Variants in SCOC observed in about 807,000 individuals in gnomAD.
The protein encoded by SCOC is short coiled-coil protein.
In SCOC, 7 loss-of-function variants were observed where a neutral mutation model predicts 9.9. The ratio of observed to expected loss-of-function variants is 0.71; its 90% CI spans 0.40 to 1.33. The LOEUF is 1.33. SCOC is among the 40% of genes most tolerant of loss of function. The probability of loss-of-function intolerance (pLI) is 0.01; values close to 1 mark genes in which losing one functional copy is unlikely to be tolerated. For synonymous variants in SCOC, 19 were observed against 28.2 expected, an observed-to-expected ratio of 0.67 and a Z score of 1.03; for missense variants, 66 against 89.7, an observed-to-expected ratio of 0.74 and a Z score of 1.07.
intron 1 of SCOC, among the ~76,000 whole-genome samples, chr4:140,279,511 C>A (rs980558540): frequency 6.6e-6 from 1 of 152,088 alleles, no homozygotes; most frequent in Non-Finnish European, 1.5e-5. Context: ...TCCTTGGATA[C>A]TGGACACGCT....
chr4:140,307,322 A>T (rs1275438334), intron 1 of SCOC, among the ~76,000 whole-genome samples: 3 of 152,218 alleles, frequency 2.0e-5, no homozygotes, highest in Non-Finnish European at 2.9e-5. Flanking sequence ...TGCTAAAATC[A>T]GTGTTGTTCT....
chr4:140,269,812 G>A (rs975331557), intron 1 of SCOC, among the ~76,000 whole-genome samples: 10 of 151,598 alleles, frequency 6.6e-5, no homozygotes, highest in African/African-American at 1.9e-4. Flanking sequence ...GTGCAGTGGC[G>A]CCATCATAAC....
intron 1 of SCOC, chr4:140,374,316 G>C (rs1299545650): frequency 2.6e-6 from 1 of 380,504 alleles, no homozygotes; most frequent in Non-Finnish European, 5.3e-6. Context: ...ATTCCTGAAA[G>C]GCAGGGCTTC....
intron 2 of SCOC, among the ~76,000 whole-genome samples, chr4:140,350,033 C>T (rs1726910861): frequency 6.6e-6 from 1 of 152,180 alleles, no homozygotes; most frequent in Admixed American, 6.5e-5. Flanking sequence ...CCTTAATGTT[C>T]CCTCCACACA....
At chr4:140,366,540 A>G (rs976535793) in intron 2 of SCOC, 22 of 1,581,108 alleles carry the variant, frequency 1.4e-5, no homozygotes, top group Non-Finnish European at 1.9e-5. Context: ...TAAAATGATC[A>G]AAATCTGTCA....
intron 1 of SCOC, among the ~76,000 whole-genome samples, chr4:140,308,158 T>C (rs1344624901): frequency 6.6e-6 from 1 of 152,232 alleles, no homozygotes. Context: ...TTGCTGGTTC[T>C]TAAACAGAGC....
rs1453404885 is a variant in SCOC, at chr4:140,291,554, A to G, written c.-19+34144A>G. ...ACTGTATTATGGCAGAGGGTGAGTG[A>G]GTTTGAAAAGCAACAGAACAAAAAA... On this transcript the variant is annotated intron_variant, in intron 1 of 4. Transcript: ENST00000394205. The G allele has an allele frequency of 6.6e-6, 3 of 454,372 alleles. No homozygotes were observed. In the Admixed American group the frequency reaches 7.1e-5, roughly 11 times the overall value. The allele number at this position is 454,372 out of a possible 1,614,324, so 28.1% of individuals were successfully genotyped here. A position where few individuals can be genotyped will look rare whatever the true frequency, so the allele number is the denominator to read the frequency against.
intron 1 of SCOC, among the ~76,000 whole-genome samples, chr4:140,316,829 A>G (rs1732334659): frequency 6.6e-6 from 1 of 152,234 alleles, no homozygotes; most frequent in African/African-American, 2.4e-5. Flanking sequence ...CTTTTGTAGC[A>G]GGTATGATTC....
chr4:140,336,321 T>C (rs1378019152), intron 1 of SCOC, among the ~76,000 whole-genome samples: 1 of 152,130 alleles, frequency 6.6e-6, no homozygotes, highest in East Asian at 1.9e-4. Flanking sequence ...TTTCACTAAT[T>C]TCAAAACTTT....
At chr4:140,296,733 T>C (rs1485445446) in intron 1 of SCOC, among the ~76,000 whole-genome samples, 3 of 152,036 alleles carry the variant, frequency 2.0e-5, no homozygotes, top group Non-Finnish European at 2.9e-5. Flanking sequence ...TCAACACTGA[T>C]TGTCTGAAGA....
Position 140,354,411 on chromosome 4 carries a change from C to T in SCOC, c.70+10703C>T, listed in dbSNP as rs543039385. Among the ~76,000 whole-genome samples the T allele has an allele frequency of 2.0e-5, 3 of 151,918 alleles. No individual in the cohort carries two copies. The South Asian group carries it at 6.3e-4, about 32-fold the overall frequency. On this transcript the variant is annotated intron_variant, in intron 2 of 4. Coordinates refer to the SCOC transcript ENST00000338517. ...TACAGTGACTGTTGACCCCTAACCG[C>T]TACATTTCTCAGCCAGTGTCTCTCT...
At chr4:140,374,084 A>G in intron 1 of SCOC, 1 of 482,820 alleles carries the variant, frequency 2.1e-6, no homozygotes, top group South Asian at 1.5e-5. Context: ...GTGGAATGGG[A>G]CCTGGCACGC....
At chr4:140,301,827 ATTGT>A (rs879439447) in intron 1 of SCOC, among the ~76,000 whole-genome samples, 2 of 151,954 alleles carry the variant, frequency 1.3e-5, no homozygotes, top group Non-Finnish European at 2.9e-5. Flanking sequence ...TATTCTTTTT[ATTGT>A]TTGTTTGTTT....
intron 1 of SCOC, among the ~76,000 whole-genome samples, chr4:140,283,473 T>A (rs767311547): frequency 6.6e-6 from 1 of 152,202 alleles, no homozygotes; most frequent in South Asian, 2.1e-4. Flanking sequence ...TTTTTTTAAA[T>A]GTCCTTCTGA....
intron 2 of SCOC, among the ~76,000 whole-genome samples, chr4:140,346,098 G>A (rs1470202415): frequency 6.6e-6 from 1 of 152,008 alleles, no homozygotes; most frequent in Non-Finnish European, 1.5e-5. Flanking sequence ...CTATGGTTGC[G>A]GGCATTCCAT....
intron 1 of SCOC, among the ~76,000 whole-genome samples, chr4:140,270,769 A>G (rs1470086358): frequency 1.3e-5 from 2 of 152,134 alleles, no homozygotes; most frequent in African/African-American, 4.8e-5. Flanking sequence ...TATCTCTAGG[A>G]GTTGGCTAGT....
upstream of SCOC, among the ~76,000 whole-genome samples, chr4:140,372,803 G>T (rs1278048426): frequency 6.6e-6 from 1 of 152,192 alleles, no homozygotes; most frequent in East Asian, 1.9e-4. Flanking sequence ...TGTCTACCTT[G>T]TACTCAACGA....
chr4:140,260,920 A>G (rs1438291362), intron 1 of SCOC, among the ~76,000 whole-genome samples: 3 of 152,194 alleles, frequency 2.0e-5, no homozygotes. Flanking sequence ...GCTGATTAAT[A>G]GTTTTTCTTA....
At chr4:140,288,408 C>T (rs1207827419) in intron 1 of SCOC, among the ~76,000 whole-genome samples, 6 of 151,904 alleles carry the variant, frequency 3.9e-5, no homozygotes, top group Non-Finnish European at 7.4e-5. Flanking sequence ...TGCAAATACC[C>T]CACACAAAAC....
Sources: gnomAD v4.1 joint callset for allele counts (sites outside exome capture counted in the v4.1 genomes callset) on GRCh38, gnomAD v4.1.1 for gene constraint, MANE v1.5 for transcripts, NCBI Gene and HGNC (gene_info 2026-07-23, HGNC 2026-07-21) for gene names.